DHX35: variants seen among roughly 807,000 people sequenced by gnomAD.
DHX35 encodes the protein DEAH-box helicase 35.
DHX35 carries 84 observed loss-of-function variants against 99.6 expected under a neutral mutation model. The ratio of observed to expected loss-of-function variants is 0.84; its 90% CI spans 0.71 to 1.01. The LOEUF (loss-of-function observed/expected upper bound fraction) is 1.01. DHX35 is among the 50% of genes least tolerant of loss of function. The pLI, the probability that DHX35 is intolerant of heterozygous loss-of-function variation, is 0.00. For synonymous variants in DHX35, 331 were observed against 316.2 expected (o/e 1.05, Z -0.50); for missense variants, 852 against 888.5 (o/e 0.96, Z 0.52).
chr20:39,006,441 T>C (rs1200324849), intron 12 of DHX35, 85 bp downstream of exon 12: 4 of 1,444,864 alleles, frequency 2.8e-6, no homozygotes, highest in Admixed American at 3.6e-5. Flanking sequence ...CTCCTAATGG[T>C]AGAACTTAAC....
intron 8 of DHX35, among the ~76,000 whole-genome samples, chr20:38,999,837 T>G (rs1279509160): frequency 6.6e-6 from 1 of 152,228 alleles, no homozygotes; most frequent in Non-Finnish European, 1.5e-5. Context: ...ATGCCCATCC[T>G]CACTGCCCTT....
chr20:39,010,771 G>C (rs1050399020), intron 13 of DHX35, among the ~76,000 whole-genome samples: 5 of 152,164 alleles, frequency 3.3e-5, no homozygotes, highest in Non-Finnish European at 7.4e-5. Context: ...GCTAGTCTTT[G>C]TAGAGGCCTA....
intron 3 of DHX35, among the ~76,000 whole-genome samples, chr20:38,982,952 A>G (rs12624682): frequency 0.38 from 56,106 of 149,210 alleles, 11,121 homozygotes; most frequent in Middle Eastern, 0.51. Flanking sequence ...TTGAGACAGA[A>G]TCTCTCTCTG....
At chr20:38,988,452 A>G (rs1335165736) in intron 4 of DHX35, among the ~76,000 whole-genome samples, 1 of 152,164 alleles carries the variant, frequency 6.6e-6, no homozygotes, top group South Asian at 2.1e-4. Context: ...CAACATGGCG[A>G]AACCCCATCT....
At chr20:39,006,393 T>C (rs765519291) in intron 12 of DHX35, 37 bp downstream of exon 12, 98 of 1,601,310 alleles carry the variant, frequency 6.1e-5, no homozygotes, top group Middle Eastern at 3.7e-4. Flanking sequence ...TTGACTTTCT[T>C]ATAGTCAGCC....
rs766099237 is a variant in DHX35 at position 39,028,440 on chromosome 20, G to A, written c.1824G>A (p.Arg608=). 1.1e-5 allele frequency: 18 copies of A among 1,614,236 alleles called. No individual in the cohort carries two copies. Among genetic ancestry groups the A allele is most frequent in the East Asian group, 2.2e-5 (1 of 44,882 alleles). ...TAGGTGACCCGGATCTGGTTCTGAG[G>A]TGCATTGTCTCCGGCTTCTTCGCCA... is the stretch of plus-strand genomic sequence containing the variant. ...SSEGDPDLVL[R]CIVSGFFANA... Residue 608 remains arginine, a synonymous_variant, in exon 19 of 22, where the codon AGG becomes AGA. Transcript: ENST00000252011.
intron 2 of DHX35, among the ~76,000 whole-genome samples, chr20:38,971,952 A>G (rs1601363163): frequency 6.7e-6 from 1 of 148,298 alleles, no homozygotes; most frequent in African/African-American, 2.5e-5. Flanking sequence ...CTTTGTACAC[A>G]TATAGTATGT....
intron 2 of DHX35, among the ~76,000 whole-genome samples, chr20:38,972,314 A>G (rs1431239923): frequency 7.1e-6 from 1 of 141,060 alleles, no homozygotes; most frequent in Admixed American, 7.1e-5. Context: ...CCCGGCCTAT[A>G]ATTTCTTATA....
intron 21 of DHX35, among the ~76,000 whole-genome samples, chr20:39,036,726 C>CAAAAA (rs60032935): frequency 9.7e-5 from 5 of 51,660 alleles, no homozygotes; most frequent in Admixed American, 2.7e-4. Flanking sequence ...ACTGTCCCCC[C>CAAAAA]AAAAAAAAAA....
At position 39,002,749 on chromosome 20, in the gene DHX35, A is replaced by G. The variant is rs774805443; in HGVS notation, c.756-23A>G. The G allele has an allele frequency of 3.1e-6, 5 of 1,596,598 alleles. No homozygotes were observed. The East Asian group carries it at 8.9e-5, about 29-fold the overall frequency. Reference sequence around the variant, plus strand: ...ATTAATGAGCATATTCTAGTGATGAATTCATCCCATTTGTCTTTTCAGTCC... The same window carrying G: ...ATTAATGAGCATATTCTAGTGATGAGTTCATCCCATTTGTCTTTTCAGTCC... On this transcript the variant is annotated intron_variant, in intron 9 of 21. Coordinates refer to ENST00000252011, the MANE Select transcript of DHX35 (RefSeq NM_021931.4).
chr20:38,996,207 T>G (rs2145883533), intron 8 of DHX35, among the ~76,000 whole-genome samples: 1 of 152,362 alleles, frequency 6.6e-6, no homozygotes, highest in South Asian at 2.1e-4. Context: ...TTCTGATTTT[T>G]TTTATGTTTC....
At chr20:39,022,777 A>G (rs1393278639) in intron 16 of DHX35, among the ~76,000 whole-genome samples, 1 of 152,256 alleles carries the variant, frequency 6.6e-6, no homozygotes, top group Non-Finnish European at 1.5e-5. Flanking sequence ...GGCATCAGCA[A>G]TGACTAATTG....
At chr20:39,010,438 G>C (rs2086684685) in intron 13 of DHX35, 34 bp downstream of exon 13, 1 of 1,610,264 alleles carries the variant, frequency 6.2e-7, no homozygotes. Flanking sequence ...GCCATAGGGA[G>C]GCTAGGGAGC....
At chr20:38,971,438 G>A (rs1300669416) in intron 2 of DHX35, among the ~76,000 whole-genome samples, 1 of 152,092 alleles carries the variant, frequency 6.6e-6, no homozygotes, top group Non-Finnish European at 1.5e-5. Context: ...GCACCATTAT[G>A]AGGCCACCTG....
intron 14 of DHX35, among the ~76,000 whole-genome samples, chr20:39,017,567 G>T (rs750915257): frequency 6.6e-6 from 1 of 151,248 alleles, no homozygotes; most frequent in Non-Finnish European, 1.5e-5. Context: ...GCCTCCCCCC[G>T]CCAGCTTCAT....
intron 9 of DHX35, 52 bp downstream of exon 9, chr20:39,001,894 G>GAA: frequency 7.3e-7 from 1 of 1,368,344 alleles, no homozygotes; most frequent in Non-Finnish European, 1.0e-6. Flanking sequence ...CTCAGCCTCT[G>GAA]ATGTAGAATG....
chr20:39,000,087 C>G (rs1215280730), intron 8 of DHX35, among the ~76,000 whole-genome samples: 2 of 152,144 alleles, frequency 1.3e-5, no homozygotes, highest in African/African-American at 4.8e-5. Flanking sequence ...CCTTAGGGAC[C>G]CCTTTACATT....
intron 12 of DHX35, among the ~76,000 whole-genome samples, chr20:39,007,129 T>G (rs1174630654): frequency 2.0e-5 from 3 of 152,252 alleles, no homozygotes; most frequent in African/African-American, 7.2e-5. Context: ...GTTTTGTTTC[T>G]TCTGGTGTGG....
intron 4 of DHX35, among the ~76,000 whole-genome samples, chr20:38,985,041 A>G (rs180683899): frequency 1.3e-5 from 2 of 152,214 alleles, no homozygotes; most frequent in African/African-American, 2.4e-5. Context: ...CTGAGCCACC[A>G]TAAGTTTTTT....
Sources: allele counts gnomAD v4.1 joint callset (sites outside exome capture counted in the v4.1 genomes callset), GRCh38; gene constraint gnomAD v4.1.1; transcripts MANE v1.5; gene names NCBI Gene and HGNC (gene_info 2026-07-23, HGNC 2026-07-21).